Variants in CYP19A1 observed in about 807,000 individuals in gnomAD.
CYP19A1 encodes aromatase.
CYP19A1 carries 32 observed loss-of-function variants against 44.4 expected under a neutral mutation model. The observed-to-expected ratio is 0.72, with a 90% CI of 0.54 to 0.97. The LOEUF (loss-of-function observed/expected upper bound fraction) is 0.97, where lower values mean the gene tolerates loss of function less well. Ranked by LOEUF, CYP19A1 falls within the 50% of genes least tolerant of loss-of-function variation. CYP19A1 has a pLI of 0.00. For missense variants in CYP19A1, 598 were observed against 637.8 expected (o/e 0.94, Z 0.67); for synonymous variants, 212 against 215.6 (o/e 0.98, Z 0.14).
intron 6 of CYP19A1, among the ~76,000 whole-genome samples, chr15:51,216,377 G>A (rs774747897): frequency 3.9e-5 from 6 of 152,014 alleles, no homozygotes; most frequent in East Asian, 1.9e-4. Context: ...TCAGCCTCCC[G>A]AGTAGTTGGG....
intron 2 of CYP19A1, among the ~76,000 whole-genome samples, chr15:51,241,361 C>A (rs1466608693): frequency 6.6e-6 from 1 of 152,194 alleles, no homozygotes; most frequent in African/African-American, 2.4e-5. Flanking sequence ...GAAATGTTAA[C>A]AAGCTCCTAC....
At chr15:51,297,220 A>C (rs1179057244) in intron 1 of CYP19A1, among the ~76,000 whole-genome samples, 1 of 152,190 alleles carries the variant, frequency 6.6e-6, no homozygotes, top group Non-Finnish European at 1.5e-5. Flanking sequence ...ACTCAAAGCC[A>C]TGCAACCAAC....
rs375512731 is a variant in CYP19A1, at chr15:51,214,911, G to A, written c.1021+159C>T. On this transcript the variant is annotated intron_variant, in intron 8 of 9. Transcript: ENST00000396402. ...GAACACAGAAAGAGCTATCTTTTCC[G>A]TCTATCTGGTGTAATCAAATGTGAC... 2,080 of 1,149,166 alleles carry A rather than the reference G, an allele frequency of 1.8e-3. 46 individuals carry two copies. In the South Asian group the frequency reaches 0.032, roughly 18 times the overall value. 71.2% of individuals were successfully genotyped at this position (1,149,166 alleles called of 1,614,324 possible).
intron 1 of CYP19A1, chr15:51,278,786 G>A (rs1032028192): frequency 1.3e-5 from 2 of 152,192 alleles, no homozygotes; most frequent in East Asian, 1.9e-4. Context: ...AAATACAATC[G>A]GTTAAGTAAG....
intron 1 of CYP19A1, among the ~76,000 whole-genome samples, chr15:51,315,135 G>A (rs2036398529): frequency 6.6e-6 from 1 of 152,040 alleles, no homozygotes; most frequent in African/African-American, 2.4e-5. Context: ...TCTCCAACAG[G>A]CCTTTCAAAG....
intron 1 of CYP19A1, among the ~76,000 whole-genome samples, chr15:51,294,358 G>A (rs1346549851): frequency 6.0e-5 from 9 of 150,320 alleles, no homozygotes; most frequent in Admixed American, 2.6e-4. Context: ...GCCTCTGCCC[G>A]GCCGCGACCC....
At chr15:51,254,501 A>T (rs181036615) in intron 1 of CYP19A1, among the ~76,000 whole-genome samples, 1 of 151,104 alleles carries the variant, frequency 6.6e-6, no homozygotes, top group East Asian at 2.0e-4. Flanking sequence ...ACCCCCCTCC[A>T]TTTTTGCCAT....
intron 1 of CYP19A1, among the ~76,000 whole-genome samples, chr15:51,298,409 A>G (rs1010796562): frequency 2.0e-5 from 3 of 152,262 alleles, no homozygotes; most frequent in Non-Finnish European, 4.4e-5. Flanking sequence ...TGAAACAAAG[A>G]AATCCAGAAA....
chr15:51,268,924 A>T (rs967464130), intron 1 of CYP19A1, among the ~76,000 whole-genome samples: 5 of 151,938 alleles, frequency 3.3e-5, no homozygotes, highest in Non-Finnish European at 5.9e-5. Flanking sequence ...TGACTTTTTT[A>T]ATATATATAT....
intron 1 of CYP19A1, among the ~76,000 whole-genome samples, chr15:51,323,316 C>T (rs1595785335): frequency 6.6e-6 from 1 of 152,134 alleles, no homozygotes; most frequent in East Asian, 1.9e-4. Flanking sequence ...CACACTCAGG[C>T]ATAATACTTC....
At chr15:51,294,350 C>T (rs2042038307) in intron 1 of CYP19A1, among the ~76,000 whole-genome samples, 2 of 151,230 alleles carry the variant, frequency 1.3e-5, no homozygotes, top group South Asian at 2.1e-4. Context: ...TGAGGAGCGC[C>T]TCTGCCCGGC....
At chr15:51,336,113 C>T (rs1209418476) in intron 1 of CYP19A1, among the ~76,000 whole-genome samples, 1 of 152,202 alleles carries the variant, frequency 6.6e-6, no homozygotes, top group Non-Finnish European at 1.5e-5. Flanking sequence ...CTAGGACAGG[C>T]TCTTCAGTGA....
chr15:51,251,522 C>T (rs2034309729), intron 1 of CYP19A1, among the ~76,000 whole-genome samples: 1 of 152,234 alleles, frequency 6.6e-6, no homozygotes, highest in African/African-American at 2.4e-5. Flanking sequence ...TTCTATCTAG[C>T]TCCCGGGGGC....
chr15:51,221,293 T>C (rs1207531268), intron 5 of CYP19A1: 4 of 152,210 alleles, frequency 2.6e-5, no homozygotes, highest in Non-Finnish European at 5.9e-5. Context: ...ATTACTACCT[T>C]ATGCACAGAC....
chr15:51,231,740 A>G (rs1161858530), intron 3 of CYP19A1, among the ~76,000 whole-genome samples: 1 of 150,464 alleles, frequency 6.6e-6, no homozygotes, highest in Non-Finnish European at 1.5e-5. Flanking sequence ...TCCCCAGCCC[A>G]TTCACTCTCT....
At chr15:51,216,126 A>G (rs1236714117) in intron 6 of CYP19A1, 1 of 401,376 alleles carries the variant, frequency 2.5e-6, no homozygotes, top group Non-Finnish European at 4.4e-6. Context: ...CCAATTTCTG[A>G]TTTGGCAGGC....
chr15:51,324,617 G>A (rs1390291936), intron 1 of CYP19A1, among the ~76,000 whole-genome samples: 1 of 152,228 alleles, frequency 6.6e-6, no homozygotes, highest in Non-Finnish European at 1.5e-5. Flanking sequence ...ATAATTATTA[G>A]CCAAAAATAA....
At chr15:51,296,060 G>C (rs2035989128) in intron 1 of CYP19A1, among the ~76,000 whole-genome samples, 1 of 152,076 alleles carries the variant, frequency 6.6e-6, no homozygotes, top group South Asian at 2.1e-4. Context: ...CTAGAAGCTG[G>C]ATGGCAGGGA....
Position 51,209,675 on chromosome 15 carries a change from C to G in CYP19A1, c.*1133G>C, listed in dbSNP as rs2030741177. 1 of 152,572 alleles carries G rather than the reference C, an allele frequency of 6.6e-6. No individual in the cohort carries two copies. Among genetic ancestry groups the G allele is most frequent in the South Asian group, 2.1e-4 (1 of 4,830 alleles). The allele number at this position is 152,572 out of a possible 1,614,324, so 9.5% of individuals were successfully genotyped here. Reference sequence around the variant, plus strand: ...CAATGAACTAGATAATGTTAAATCTCTCAGGTAACTGTTAAATTTTGAGGT... The same window carrying G: ...CAATGAACTAGATAATGTTAAATCTGTCAGGTAACTGTTAAATTTTGAGGT... On this transcript the variant is annotated 3_prime_UTR_variant, in exon 10 of 10. Coordinates refer to ENST00000396402, the MANE Select transcript of CYP19A1 (RefSeq NM_000103.4).
Sources: allele counts gnomAD v4.1 joint callset (sites outside exome capture counted in the v4.1 genomes callset), GRCh38; gene constraint gnomAD v4.1.1; transcripts MANE v1.5; gene names NCBI Gene and HGNC (gene_info 2026-07-23, HGNC 2026-07-21).